Variants in LALBA observed in about 807,000 individuals in gnomAD.
LALBA encodes the protein lactalbumin alpha.
A neutral mutation model predicts 13.4 loss-of-function variants in LALBA; 12 were observed. That is an observed-to-expected ratio of 0.89 (90% CI 0.57 to 1.45). The LOEUF (loss-of-function observed/expected upper bound fraction) is 1.45. LALBA is among the 40% of genes most tolerant of loss of function. The pLI is 0.00. For missense variants in LALBA, 145 were observed against 165.9 expected (o/e 0.87, Z 0.69); for synonymous variants, 64 against 61.0 (o/e 1.05, Z -0.23).
chr12:48,567,979 T>C lies in LALBA; in HGVS notation c.407A>G (p.Gln136Arg), dbSNP rs1049554612. 6.2e-7 allele frequency: 1 copy of C among 1,605,898 alleles called. No homozygotes were observed. The highest frequency in any genetic ancestry group is 8.5e-7 in the Non-Finnish European group (1 of 1,176,504). Residue 136 changes from glutamine (Q) to arginine (R), a missense_variant, in exon 4 of 4, where the codon CAG becomes CGG. By Grantham distance (43) the Gln-to-Arg change is conservative. Coordinates refer to ENST00000301046, the MANE Select transcript of LALBA (RefSeq NM_002289.3). ...HKALCTEKLE[Q>R]WLCEKL ...CACTCACAACTTCTCACAAAGCCAC[T>C]GTTCCAGCTTCTCAGTGCAGAGGGC...
At chr12:48,569,557 T>C (rs1318142736) in intron 1 of LALBA, among the ~76,000 whole-genome samples, 2 of 151,892 alleles carry the variant, frequency 1.3e-5, no homozygotes, top group East Asian at 3.9e-4. Flanking sequence ...CTACAAAAAA[T>C]ACAAAATTAG....
At chr12:48,570,907 G>A (rs1938624800), upstream of LALBA, among the ~76,000 whole-genome samples, 1 of 150,594 alleles carries the variant, frequency 6.6e-6, no homozygotes, top group Admixed American at 6.7e-5. Flanking sequence ...AGCACAGGAG[G>A]TCGAGGCTGC....
upstream of LALBA, among the ~76,000 whole-genome samples, chr12:48,571,403 T>TTTTTTTC (rs1938631614): frequency 6.8e-6 from 1 of 147,354 alleles, no homozygotes; most frequent in Non-Finnish European, 1.5e-5. Flanking sequence ...TTTTTTTTTT[T>TTTTTTTC]TGACCAAGTC....
chr12:48,567,822 G>T lies in LALBA; in HGVS notation c.*135C>A. On this transcript the variant is annotated 3_prime_UTR_variant, in exon 4 of 4. Transcript: ENST00000301046. ...CTGGAAAATAGTCTTCAAGAATTCGGTGATGTCACTACAGGGCCCAAGGCT... is the reference window on the plus strand; with the variant it reads ...CTGGAAAATAGTCTTCAAGAATTCGTTGATGTCACTACAGGGCCCAAGGCT... The T allele has an allele frequency of 1.4e-6, 1 of 737,482 alleles. No homozygotes were observed. 45.7% of individuals were successfully genotyped at this position (737,482 alleles called of 1,614,324 possible). A position where few individuals can be genotyped will look rare whatever the true frequency, so the allele number is the denominator to read the frequency against.
chr12:48,568,383 C>A, intron 3 of LALBA, 134 bp downstream of exon 3: 1 of 679,492 alleles, frequency 1.5e-6, no homozygotes, highest in South Asian at 1.7e-5. Flanking sequence ...AAACCTGAGT[C>A]TCTAGGTAAG....
upstream of LALBA, among the ~76,000 whole-genome samples, chr12:48,571,386 C>CTTTTTTTTTTTTTTTT (rs60444004): frequency 2.0e-5 from 2 of 98,056 alleles, no homozygotes; most frequent in African/African-American, 4.1e-5. Context: ...CTTCTTCTTC[C>CTTTTTTTTTTTTTTTT]TTTTTTTTTT....
Position 48,568,037 on chromosome 12 carries a change from A to ATT in LALBA, c.369-21_369-20insAA, listed in dbSNP as rs1938588843. 6.3e-7 allele frequency: 1 copy of ATT among 1,575,280 alleles called. No homozygotes were observed. The highest frequency in any genetic ancestry group is 8.7e-7 in the Non-Finnish European group (1 of 1,155,548). ...GCCAACCTGATAATGGAGAAGGGGG[A>ATT]CAAGGTGAGTTAGCTGACTGAATCT... On this transcript the variant is annotated intron_variant, in intron 3 of 3. Coordinates refer to ENST00000301046, the MANE Select transcript of LALBA (RefSeq NM_002289.3).
At chr12:48,569,276 G>A (rs765778784) in intron 1 of LALBA, 36 bp from the exon 2 acceptor site, 5 of 1,551,550 alleles carry the variant, frequency 3.2e-6, no homozygotes, top group Non-Finnish European at 4.4e-6. Context: ...CCACAGAGAT[G>A]TACAGGATCT....
chr12:48,567,939 G>C lies in LALBA; in HGVS notation c.*18C>G. ...CCAGGAGTGTGGAGTGGGCAGGGGT[G>C]CCAAGGACAGCAGACACTCACAACT... On this transcript the variant is annotated 3_prime_UTR_variant, in exon 4 of 4. Coordinates refer to ENST00000301046, the MANE Select transcript of LALBA (RefSeq NM_002289.3). 1.3e-6 allele frequency: 2 copies of C among 1,599,598 alleles called. No individual in the cohort carries two copies. The highest frequency in any genetic ancestry group is 1.7e-6 in the Non-Finnish European group (2 of 1,172,438).
rs371094820 is a variant in LALBA at position 48,569,167 on chromosome 12, A to G, written c.207T>C (p.Tyr69=). Residue 69 remains tyrosine (Y), a synonymous_variant, in exon 2 of 4, where the codon TAT becomes TAC. Coordinates refer to ENST00000301046, the MANE Select transcript of LALBA (RefSeq NM_002289.3). ...AIVENNESTE[Y]GLFQISNKLW... ...GCTTATTACTGATCTGGAAGAGTCCATATTCCGTGCTTTCATTGTTTTCAA... is the reference window on the plus strand; with the variant it reads ...GCTTATTACTGATCTGGAAGAGTCCGTATTCCGTGCTTTCATTGTTTTCAA... The G allele has an allele frequency of 1.6e-4, 262 of 1,613,668 alleles. No individual in the cohort carries two copies. Among genetic ancestry groups the G allele is most frequent in the Non-Finnish European group, 2.1e-4 (253 of 1,179,716 alleles).
chr12:48,569,345 T>C (rs974908690), intron 1 of LALBA, 105 bp from the exon 2 acceptor site: 15 of 957,784 alleles, frequency 1.6e-5, no homozygotes, highest in Admixed American at 2.5e-5. Flanking sequence ...TCTCCAAAGA[T>C]GGCAAAGCTC....
At chr12:48,570,117 C>T (rs977109932), upstream of LALBA, 1 of 1,320,378 alleles carries the variant, frequency 7.6e-7, no homozygotes, top group Admixed American at 1.9e-5. Flanking sequence ...CCAAGCCCTA[C>T]ATCTAGGAAG....
chr12:48,570,076 A>G (rs1420853638), upstream of LALBA: 2 of 1,600,780 alleles, frequency 1.2e-6, no homozygotes, highest in East Asian at 2.2e-5. Context: ...ATTTATTTAT[A>G]TTCATGCAGA....
rs1207004516 is a variant in LALBA, at chr12:48,568,935, TACTC to T, written c.292+143_292+146del. The T allele has an allele frequency of 1.6e-5, 11 of 688,548 alleles. 1 individual carries two copies. The highest frequency in any genetic ancestry group is 1.3e-4 in the East Asian group (5 of 38,102). 42.7% of individuals were successfully genotyped at this position (688,548 alleles called of 1,614,324 possible). On this transcript the variant is annotated intron_variant, in intron 2 of 3. Transcript: ENST00000301046. ...ACCATGAAAAATCCAAACAGCTTCTTACTCAGTACTGCCAATTCAAGTCCCACAA... is the reference window on the plus strand; with the variant it reads ...ACCATGAAAAATCCAAACAGCTTCTTAGTACTGCCAATTCAAGTCCCACAA...
intron 3 of LALBA, chr12:48,568,223 C>T (rs1938591260): frequency 1.6e-6 from 1 of 617,660 alleles, no homozygotes; most frequent in Middle Eastern, 4.3e-4. Flanking sequence ...GCAATGTTAC[C>T]AACAGCTTGC....
At chr12:48,570,062 T>C, upstream of LALBA, 1 of 1,609,950 alleles carries the variant, frequency 6.2e-7, no homozygotes, top group Non-Finnish European at 8.5e-7. Flanking sequence ...CATCACTCAG[T>C]TTCATTTATT....
intron 3 of LALBA, 136 bp from the exon 4 acceptor site, chr12:48,568,153 A>G: frequency 7.0e-6 from 5 of 711,440 alleles, no homozygotes; most frequent in Non-Finnish European, 1.3e-5. Context: ...GACACAAGCC[A>G]TCAAGTGGAA....
upstream of LALBA, chr12:48,570,136 G>A (rs528245246): frequency 8.8e-7 from 1 of 1,133,350 alleles, no homozygotes; most frequent in Admixed American, 2.1e-5. Flanking sequence ...AGAGAATGAA[G>A]AGAGACTGGT....
Position 48,568,595 on chromosome 12 carries a change from G to T in LALBA, c.293-3C>A, listed in dbSNP as rs1268288495. ...AGTAATGTCATCATCCAGGAACTCT[G>T]GCAGGAGTTACAGGGAAAGGATTGA... On this transcript the variant is annotated splice_polypyrimidine_tract_variant and splice_region_variant and intron_variant, in intron 2 of 3. Transcript: ENST00000301046. The T allele has an allele frequency of 5.1e-6, 8 of 1,577,428 alleles. No individual in the cohort carries two copies. The South Asian group carries it at 8.9e-5, about 18-fold the overall frequency.
Sources: gnomAD v4.1 joint callset for allele counts (sites outside exome capture counted in the v4.1 genomes callset) on GRCh38, gnomAD v4.1.1 for gene constraint, MANE v1.5 for transcripts, NCBI Gene and HGNC (gene_info 2026-07-23, HGNC 2026-07-21) for gene names.